CLTRN: variants seen among roughly 807,000 people sequenced by gnomAD.
The protein encoded by CLTRN is collectrin, amino acid transport regulator, also known as collectrin.
Under a neutral mutation model 14.5 loss-of-function variants are expected in CLTRN, and 12 were observed. The observed-to-expected ratio is 0.83, with a 90% CI of 0.53 to 1.34. CLTRN has a LOEUF of 1.34. Ranked by LOEUF, CLTRN falls within the 40% of genes most tolerant of loss-of-function variation. The pLI, the probability that CLTRN is intolerant of heterozygous loss-of-function variation, is 0.00. For synonymous variants in CLTRN, 58 were observed against 56.5 expected, an observed-to-expected ratio of 1.03 and a Z score of -0.12; for missense variants, 154 against 165.1, an observed-to-expected ratio of 0.93 and a Z score of 0.37.
At chrX:15,660,640 C>T (rs1161912929) in intron 2 of CLTRN, among the ~76,000 whole-genome samples, 1 of 103,423 alleles carries the variant, frequency 9.7e-6, no homozygotes, top group East Asian at 3.0e-4. Flanking sequence ...CCCATCTCTA[C>T]CAAAAAAAAA....
At chrX:15,656,852 G>C (rs753513172) in intron 3 of CLTRN, among the ~76,000 whole-genome samples, 2 of 110,668 alleles carry the variant, frequency 1.8e-5, no homozygotes, top group Non-Finnish European at 3.8e-5. Context: ...AGAAAAATGT[G>C]TACTGACCCT....
At chrX:15,666,041 A>G (rs1190113010), upstream of CLTRN, among the ~76,000 whole-genome samples, 1 of 111,965 alleles carries the variant, frequency 8.9e-6, no homozygotes, top group Non-Finnish European at 1.9e-5. Context: ...TTGAGTACAC[A>G]TGGACACAAA....
intron 3 of CLTRN, among the ~76,000 whole-genome samples, chrX:15,658,353 C>T (rs974832005): frequency 2.0e-4 from 23 of 112,458 alleles, no homozygotes; most frequent in African/African-American, 7.1e-4. Flanking sequence ...GCATGAGAGA[C>T]GTCTGCTATC....
upstream of CLTRN, among the ~76,000 whole-genome samples, chrX:15,665,765 T>TGAA (rs749017086): frequency 8.9e-6 from 1 of 112,597 alleles, no homozygotes; most frequent in Non-Finnish European, 1.9e-5. Context: ...TTACCCACTC[T>TGAA]GAAGTACCTT....
At chrX:15,670,757 C>T (rs1238021546) in intron 1 of CLTRN, among the ~76,000 whole-genome samples, 2 of 110,050 alleles carry the variant, frequency 1.8e-5, no homozygotes, top group Admixed American at 2.0e-4. Flanking sequence ...GGGTAGAGGC[C>T]AGGGATGCTG....
chrX:15,646,797 C>G, intron 3 of CLTRN: 1 of 333,914 alleles, frequency 3.0e-6, no homozygotes, highest in Non-Finnish European at 5.9e-6. Flanking sequence ...CGCCGCCACC[C>G]CCCCACCAGC....
chrX:15,653,924 A>G (rs1929286831), intron 3 of CLTRN, among the ~76,000 whole-genome samples: 2 of 112,814 alleles, frequency 1.8e-5, no homozygotes, highest in African/African-American at 6.4e-5. Context: ...AAATTATATT[A>G]ATTCATACAT....
chrX:15,630,901 G>A (rs1222341919), intron 5 of CLTRN, among the ~76,000 whole-genome samples: 4 of 111,918 alleles, frequency 3.6e-5, no homozygotes, highest in African/African-American at 1.3e-4. Context: ...CTATAGATAG[G>A]TGTATTGTTC....
intron 5 of CLTRN, among the ~76,000 whole-genome samples, chrX:15,636,622 G>A (rs953864558): frequency 7.2e-5 from 8 of 110,943 alleles, no homozygotes; most frequent in East Asian, 2.8e-4. Context: ...GCAATGAGTT[G>A]GTGAATTGGA....
At chrX:15,630,348 G>A (rs890629428) in intron 5 of CLTRN, among the ~76,000 whole-genome samples, 1 of 101,583 alleles carries the variant, frequency 9.8e-6, no homozygotes, top group Non-Finnish European at 2.0e-5. Flanking sequence ...CCTTGAACGG[G>A]CTTTACCACA....
At chrX:15,668,382 T>C, upstream of CLTRN, among the ~76,000 whole-genome samples, 1 of 112,612 alleles carries the variant, frequency 8.9e-6, no homozygotes, top group Non-Finnish European at 1.9e-5. Context: ...AGCATTATAT[T>C]TGTAATTACA....
At chrX:15,630,108 T>C (rs1928655515) in intron 5 of CLTRN, among the ~76,000 whole-genome samples, 2 of 111,078 alleles carry the variant, frequency 1.8e-5, no homozygotes, top group African/African-American at 3.3e-5. Flanking sequence ...AGAAGATGGG[T>C]GGGTGGCTGA....
intron 3 of CLTRN, among the ~76,000 whole-genome samples, chrX:15,655,012 C>T (rs752503359): frequency 2.7e-5 from 3 of 112,411 alleles, no homozygotes; most frequent in Admixed American, 9.4e-5. Flanking sequence ...TGTGGCTTTC[C>T]TGTCACTTCC....
chrX:15,674,982 C>T (rs1286635122), intron 1 of CLTRN: 1 of 113,241 alleles, frequency 8.8e-6, no homozygotes, highest in East Asian at 2.8e-4. Context: ...AGAAAAGTGA[C>T]GCGGACCAGA....
intron 5 of CLTRN, among the ~76,000 whole-genome samples, chrX:15,633,348 C>T (rs758812769): frequency 4.5e-5 from 5 of 112,258 alleles, no homozygotes; most frequent in Non-Finnish European, 7.5e-5. Context: ...CACTCAGCCA[C>T]GACTACGTGC....
intron 4 of CLTRN, among the ~76,000 whole-genome samples, chrX:15,641,255 G>A (rs1457023788): frequency 9.0e-6 from 1 of 111,611 alleles, no homozygotes; most frequent in African/African-American, 3.3e-5. Flanking sequence ...ATTTCTAACT[G>A]TAAACTGGAG....
chrX:15,661,755 A>G (rs750289581), intron 2 of CLTRN, among the ~76,000 whole-genome samples: 51 of 112,729 alleles, frequency 4.5e-4, no homozygotes, highest in African/African-American at 1.6e-3. Context: ...CAGCTTAACT[A>G]CCTGTTGTGC....
At chrX:15,646,268 G>A (rs777548131) in intron 3 of CLTRN, 5 of 243,048 alleles carry the variant, frequency 2.1e-5, no homozygotes, top group Admixed American at 1.1e-4. Context: ...ATGGCGCCTC[G>A]TGCACTTTCT....
chrX:15,670,308 AAC>A (rs753295306), intron 1 of CLTRN, among the ~76,000 whole-genome samples: 5,307 of 86,144 alleles, frequency 0.062, 222 homozygotes, highest in African/African-American at 0.15. Context: ...CCAAAAACAA[AAC>A]ACACACACAC....
Sources: gnomAD v4.1 joint callset for allele counts (sites outside exome capture counted in the v4.1 genomes callset) on GRCh38, gnomAD v4.1.1 for gene constraint, MANE v1.5 for transcripts, NCBI Gene and HGNC (gene_info 2026-07-23, HGNC 2026-07-21) for gene names.